Variants in NTM observed in about 807,000 individuals in gnomAD.
The protein encoded by NTM is IgLON family member 2.
Under a neutral mutation model 42.1 loss-of-function variants are expected in NTM, and 13 were observed. The ratio of observed to expected loss-of-function variants is 0.31; its 90% confidence interval spans 0.20 to 0.49. The LOEUF is 0.49. Ranked by LOEUF, NTM falls within the 20% of genes least tolerant of loss-of-function variation. The pLI is 0.99. For missense variants in NTM, 373 were observed against 452.8 expected (o/e 0.82, Z 1.60); for synonymous variants, 187 against 179.2 (o/e 1.04, Z -0.35).
chr11:131,607,155 C>T (rs936077964), intron 1 of NTM, among the ~76,000 whole-genome samples: 1 of 152,160 alleles, frequency 6.6e-6, no homozygotes, highest in Non-Finnish European at 1.5e-5. Flanking sequence ...GCATCACTTG[C>T]GACCAGCCAG....
chr11:132,183,913 G>C (rs2077995142), intron 3 of NTM, among the ~76,000 whole-genome samples: 1 of 151,776 alleles, frequency 6.6e-6, no homozygotes, highest in East Asian at 2.0e-4. Context: ...TGCAAATTTG[G>C]CTCCAGAGTC....
Position 131,995,629 on chromosome 11 carries a change from G to A in NTM, c.167+83981G>A, listed in dbSNP as rs146619174. On this transcript the variant is annotated intron_variant, in intron 2 of 8. Transcript: ENST00000683400. ...AGAGAGGAGACTGGTGCTCAGCAGG[G>A]GCCAGATCATGTTGGCTTGGGCATG... Among the ~76,000 whole-genome samples, 210 of 152,098 alleles carry A rather than the reference G, an allele frequency of 1.4e-3. 1 individual carries two copies. Among genetic ancestry groups the A allele is most frequent in the Admixed American group, 2.2e-3 (34 of 15,274 alleles).
chr11:131,926,762 G>A (rs2058011476), intron 2 of NTM, among the ~76,000 whole-genome samples: 1 of 152,176 alleles, frequency 6.6e-6, no homozygotes, highest in Admixed American at 6.5e-5. Flanking sequence ...TGGACTTTGT[G>A]GATTTGTGGC....
chr11:131,803,200 CAG>C (rs1400912120), intron 1 of NTM, among the ~76,000 whole-genome samples: 1 of 152,184 alleles, frequency 6.6e-6, no homozygotes, highest in Admixed American at 6.5e-5. Flanking sequence ...ACATTATACA[CAG>C]AGTTTCCTGG....
chr11:131,511,287 A>C (rs952849953), intron 1 of NTM, among the ~76,000 whole-genome samples: 1 of 152,184 alleles, frequency 6.6e-6, no homozygotes, highest in Admixed American at 6.5e-5. Context: ...CTCAGGCCCC[A>C]GCCAGGCCAT....
At chr11:132,327,889 C>A (rs1406198013) in intron 7 of NTM, among the ~76,000 whole-genome samples, 1 of 149,308 alleles carries the variant, frequency 6.7e-6, no homozygotes, top group Non-Finnish European at 1.5e-5. Context: ...TTCCCACCCT[C>A]CCTGACCTGT....
At chr11:131,828,128 GAA>G (rs56796069) in intron 1 of NTM, among the ~76,000 whole-genome samples, 1 of 141,728 alleles carries the variant, frequency 7.1e-6, no homozygotes, top group African/African-American at 2.6e-5. Flanking sequence ...GTAAGATGAA[GAA>G]AAAAAAAAAC....
chr11:131,600,718 G>A (rs2060406421), intron 1 of NTM, among the ~76,000 whole-genome samples: 1 of 152,180 alleles, frequency 6.6e-6, no homozygotes, highest in African/African-American at 2.4e-5. Context: ...GTACTTATGG[G>A]CTGCAGGAAG....
intron 4 of NTM, among the ~76,000 whole-genome samples, chr11:132,241,692 CTG>C (rs2139220556): frequency 2.0e-5 from 3 of 152,302 alleles, no homozygotes; most frequent in African/African-American, 7.2e-5. Context: ...CTAAAAATAT[CTG>C]TGATATAGAT....
intron 1 of NTM, chr11:131,537,963 G>C (rs925076981): frequency 6.6e-6 from 1 of 152,240 alleles, no homozygotes; most frequent in East Asian, 1.9e-4. Flanking sequence ...AGCCATGCTC[G>C]GGCCGGGAGG....
At chr11:131,741,254 G>A (rs2081170243) in intron 1 of NTM, among the ~76,000 whole-genome samples, 1 of 152,006 alleles carries the variant, frequency 6.6e-6, no homozygotes, top group Non-Finnish European at 1.5e-5. Context: ...CAAGTCCAGG[G>A]GCGGTAGCCT....
intron 2 of NTM, among the ~76,000 whole-genome samples, chr11:131,953,112 G>A (rs1161977091): frequency 6.6e-6 from 1 of 152,182 alleles, no homozygotes; most frequent in Non-Finnish European, 1.5e-5. Flanking sequence ...CTGCTAGCAA[G>A]GACAAGCATG....
At chr11:132,125,996 G>A (rs1380192323) in intron 2 of NTM, among the ~76,000 whole-genome samples, 1 of 151,946 alleles carries the variant, frequency 6.6e-6, no homozygotes, top group Non-Finnish European at 1.5e-5. Context: ...GGCAGAGGAA[G>A]AAGCGCAGCC....
intron 2 of NTM, among the ~76,000 whole-genome samples, chr11:132,112,888 A>T (rs1173420720): frequency 1.3e-5 from 2 of 152,184 alleles, no homozygotes; most frequent in Non-Finnish European, 2.9e-5. Context: ...TCACAGAGAT[A>T]ATCTTCCTTG....
chr11:131,761,123 C>G (rs1371884326), intron 1 of NTM, among the ~76,000 whole-genome samples: 1 of 152,112 alleles, frequency 6.6e-6, no homozygotes, highest in Non-Finnish European at 1.5e-5. Flanking sequence ...TGGTGCCAGA[C>G]TAAATCAGAG....
intron 1 of NTM, among the ~76,000 whole-genome samples, chr11:131,906,590 C>T (rs979836139): frequency 6.6e-6 from 1 of 152,202 alleles, no homozygotes; most frequent in African/African-American, 2.4e-5. Flanking sequence ...GGCTCTCAGG[C>T]TGTCCCCTTT....
At chr11:131,976,994 C>T (rs919903913) in intron 2 of NTM, among the ~76,000 whole-genome samples, 2 of 151,302 alleles carry the variant, frequency 1.3e-5, no homozygotes, top group Non-Finnish European at 3.0e-5. Flanking sequence ...TACTTTCACT[C>T]ATGAGCACAG....
chr11:131,661,101 C>A, intron 1 of NTM: 1 of 1,244,316 alleles, frequency 8.0e-7, no homozygotes. Flanking sequence ...GGGGGGTCTT[C>A]CCCCTAGATT....
intron 1 of NTM, among the ~76,000 whole-genome samples, chr11:131,679,510 C>T (rs11822110): frequency 3.6e-4 from 55 of 152,004 alleles, no homozygotes; most frequent in African/African-American, 1.1e-3. Context: ...CACTTCTGGG[C>T]GTGGACACAG....
Sources: gnomAD v4.1 joint callset for allele counts (sites outside exome capture counted in the v4.1 genomes callset) on GRCh38, gnomAD v4.1.1 for gene constraint, MANE v1.5 for transcripts, NCBI Gene and HGNC (gene_info 2026-07-23, HGNC 2026-07-21) for gene names.